The following HECW2 variants were observed in gnomAD, a reference collection of about 807,000 sequenced individuals.
HECW2 encodes HECT, C2 and WW domain containing E3 ubiquitin protein ligase 2, also known as E3 ubiquitin-protein ligase HECW2.
A neutral mutation model predicts 175.2 loss-of-function variants in HECW2; 61 were observed. The ratio of observed to expected loss-of-function variants is 0.35; its 90% CI spans 0.28 to 0.43. The LOEUF (loss-of-function observed/expected upper bound fraction) is 0.43. Among genes scored for constraint, HECW2 ranks in the 20% least tolerant of loss-of-function variants. The probability of loss-of-function intolerance (pLI) is 1.00; values close to 1 mark genes in which losing one functional copy is unlikely to be tolerated. For missense variants in HECW2, 1,524 were observed against 2,000.5 expected, an observed-to-expected ratio of 0.76 and a Z score of 4.54; for synonymous variants, 671 against 731.0, an observed-to-expected ratio of 0.92 and a Z score of 1.32.
intron 2 of HECW2, among the ~76,000 whole-genome samples, chr2:196,393,186 T>C (rs1378009857): frequency 3.3e-5 from 5 of 152,190 alleles, no homozygotes. Flanking sequence ...CCTAAAGCCA[T>C]AAAATCCCTA....
intron 17 of HECW2, among the ~76,000 whole-genome samples, chr2:196,258,317 T>C (rs1003405290): frequency 3.4e-4 from 52 of 152,202 alleles, no homozygotes; most frequent in African/African-American, 1.2e-3. Context: ...TCATCTATTT[T>C]CCTGAGGCCA....
intron 1 of HECW2, among the ~76,000 whole-genome samples, chr2:196,487,922 T>G (rs1036088762): frequency 6.6e-6 from 1 of 152,204 alleles, no homozygotes; most frequent in African/African-American, 2.4e-5. Context: ...ATTTTTAAAT[T>G]TGCTGGCTAA....
At chr2:196,237,321 T>C (rs1688291686) in intron 21 of HECW2, among the ~76,000 whole-genome samples, 1 of 152,204 alleles carries the variant, frequency 6.6e-6, no homozygotes, top group African/African-American at 2.4e-5. Flanking sequence ...ATCCAATGTG[T>C]AGTCTTTTAT....
intron 17 of HECW2, chr2:196,260,010 A>G (rs961504026): frequency 3.9e-5 from 6 of 152,178 alleles, no homozygotes; most frequent in Non-Finnish European, 8.8e-5. Flanking sequence ...CTCCTTCCTT[A>G]ACTGGAGCTA....
At chr2:196,262,748 C>T (rs1431093495) in intron 17 of HECW2, among the ~76,000 whole-genome samples, 1 of 151,898 alleles carries the variant, frequency 6.6e-6, no homozygotes, top group Non-Finnish European at 1.5e-5. Context: ...GTATTTTTAG[C>T]GGAAATAGGG....
At chr2:196,510,699 T>C (rs1285775262) in intron 1 of HECW2, among the ~76,000 whole-genome samples, 1 of 152,236 alleles carries the variant, frequency 6.6e-6, no homozygotes, top group Non-Finnish European at 1.5e-5. Context: ...TGTTATTTTT[T>C]TTTACTTAGC....
chr2:196,222,253 G>A lies in HECW2; in HGVS notation c.4104C>T (p.Ile1368=), dbSNP rs267599146. ...QWMKDNDIHD[I]LDLTFTVNEE... ...CGTTCACAGTGAACGTGAGGTCTAG[G>A]ATGTCATGGATATCATTGTCTTTCA... is the stretch of plus-strand genomic sequence containing the variant. The change falls in exon 24 of 29, where the codon ATC becomes ATT. Residue 1368 remains isoleucine, a synonymous_variant. Transcript: ENST00000644978. 6.2e-7 allele frequency: 1 copy of A among 1,613,712 alleles called. No homozygotes were observed. The highest frequency in any genetic ancestry group is 1.1e-5 in the South Asian group (1 of 91,082).
intron 2 of HECW2, among the ~76,000 whole-genome samples, chr2:196,370,531 G>C (rs1039830978): frequency 1.3e-5 from 2 of 152,156 alleles, no homozygotes; most frequent in Non-Finnish European, 2.9e-5. Context: ...ACCCCAGCTG[G>C]TGTCTCACTA....
At chr2:196,566,503 TA>T (rs1690192860) in intron 1 of HECW2, among the ~76,000 whole-genome samples, 1 of 151,608 alleles carries the variant, frequency 6.6e-6, no homozygotes, top group Non-Finnish European at 1.5e-5. Flanking sequence ...TTGAGCATAT[TA>T]TATATACCAG....
chr2:196,535,434 G>C (rs1199865894), intron 1 of HECW2, among the ~76,000 whole-genome samples: 1 of 152,226 alleles, frequency 6.6e-6, no homozygotes, highest in Admixed American at 6.5e-5. Flanking sequence ...GCAGCGGTTA[G>C]AGTGGTGAGT....
In HECW2 at chr2:196,524,868, A is replaced by C. The variant is rs1325965864; in HGVS notation, c.-36+68640T>G. 2.4e-5 allele frequency among the ~76,000 whole-genome samples: 3 copies of C among 124,866 alleles called. No homozygotes were observed. In the East Asian group the frequency reaches 6.3e-4, roughly 26 times the overall value. The allele number at this position is 124,866 out of a possible 152,430, so 81.9% of individuals were successfully genotyped here. ...AGTTTGTTATAATTTCTGTTCTTTT[A>C]CATTTGCTGAGGAGAGCTTTACTTC... On this transcript the variant is annotated intron_variant, in intron 1 of 28. Transcript: ENST00000644978.
intron 2 of HECW2, among the ~76,000 whole-genome samples, chr2:196,375,330 A>T (rs1305872778): frequency 1.3e-5 from 2 of 152,250 alleles, no homozygotes; most frequent in Non-Finnish European, 2.9e-5. Flanking sequence ...TCGGAGTCCC[A>T]GTCTATCTTA....
rs1686741243 is a variant in HECW2, at chr2:196,197,915, T to C, written c.*3362A>G. 1 of 152,260 alleles carries C rather than the reference T, an allele frequency of 6.6e-6. No homozygotes were observed. The highest frequency in any genetic ancestry group is 2.1e-4 in the South Asian group (1 of 4,834). 9.4% of individuals were successfully genotyped at this position (152,260 alleles called of 1,614,324 possible). On this transcript the variant is annotated 3_prime_UTR_variant, in exon 29 of 29. Transcript: ENST00000644978. The stretch of plus-strand genomic sequence containing the variant: ...TCTTTCAAACACTTGAATGCATTTT[T>C]ACCATTTCTGATTGTTGCACAGGTA...
intron 21 of HECW2, among the ~76,000 whole-genome samples, chr2:196,229,689 T>G (rs1353708588): frequency 1.3e-5 from 2 of 151,998 alleles, no homozygotes; most frequent in African/African-American, 4.8e-5. Flanking sequence ...ACAAAAAGGA[T>G]CCTATAGGCA....
intron 1 of HECW2, among the ~76,000 whole-genome samples, chr2:196,579,510 T>C (rs1690689139): frequency 6.6e-6 from 1 of 152,176 alleles, no homozygotes; most frequent in South Asian, 2.1e-4. Flanking sequence ...AACTATATGC[T>C]GTCTACAAGA....
rs971045650 is a variant in HECW2 at position 196,278,548 on chromosome 2, G to A, written c.3115C>T (p.Arg1039Cys). The change falls in exon 15 of 29, where the codon CGC (arginine) becomes TGC (cysteine). Residue 1039 changes from arginine (R) to cysteine (C), a missense_variant. Around this residue, in one of 11 missense-constraint regions of HECW2, gnomAD observed 291 missense variants for 412.2 expected, o/e 0.71. Coordinates refer to ENST00000644978, the MANE Select transcript of HECW2 (RefSeq NM_001348768.2). ...CTCACCTCACCCGCACTGTGGCTGC[G>A]TTGCCTTGTCAGGTGTTGCCGATGA... ...LVHRQHLTRQ[R>C]SHSAGEVGED... 7 of 1,613,944 alleles carry A rather than the reference G, an allele frequency of 4.3e-6. No homozygotes were observed. Among genetic ancestry groups the A allele is most frequent in the African/African-American group, 1.3e-5 (1 of 74,898 alleles).
At chr2:196,394,213 A>T (rs996069461) in intron 2 of HECW2, among the ~76,000 whole-genome samples, 6 of 152,176 alleles carry the variant, frequency 3.9e-5, no homozygotes, top group African/African-American at 1.2e-4. Flanking sequence ...TGACGAGTTA[A>T]TGGGTGCAGC....
At chr2:196,261,281 A>T (rs1558991799) in intron 17 of HECW2, among the ~76,000 whole-genome samples, 2 of 152,224 alleles carry the variant, frequency 1.3e-5, no homozygotes, top group Non-Finnish European at 2.9e-5. Flanking sequence ...TTAAAAAGAA[A>T]ATTATGCATT....
chr2:196,273,761 A>G lies in HECW2; in HGVS notation c.3238+260T>C, dbSNP rs114918125. Among the ~76,000 whole-genome samples the G allele has an allele frequency of 1.2e-3, 176 of 152,314 alleles. 1 individual carries two copies. The highest frequency in any genetic ancestry group is 4.1e-3 in the African/African-American group (170 of 41,546). On this transcript the variant is annotated intron_variant, in intron 16 of 28. Coordinates refer to ENST00000644978, the MANE Select transcript of HECW2 (RefSeq NM_001348768.2). ...AATAAATTATTTTTCCTTAACTTCA[A>G]TAATCTAATATGATACCTCTACTCA... is the stretch of plus-strand genomic sequence containing the variant.
Sources: allele counts gnomAD v4.1 joint callset (sites outside exome capture counted in the v4.1 genomes callset), GRCh38; gene constraint gnomAD v4.1.1; regional missense constraint gnomAD v4.1.1; transcripts MANE v1.5; gene names NCBI Gene and HGNC (gene_info 2026-07-23, HGNC 2026-07-21).